PCCB: variants seen among roughly 807,000 people sequenced by gnomAD.
PCCB encodes propionyl-CoA carboxylase subunit beta.
In PCCB, 43 loss-of-function variants were observed where a neutral mutation model predicts 60.7. The observed-to-expected ratio is 0.71, with a 90% CI of 0.55 to 0.91. PCCB has a LOEUF of 0.91. Among genes scored for constraint, PCCB ranks in the 40% least tolerant of loss-of-function variants. The pLI, the probability that PCCB is intolerant of heterozygous loss-of-function variation, is 0.00. For synonymous variants in PCCB, 276 were observed against 255.9 expected (o/e 1.08, Z -0.75); for missense variants, 766 against 702.8 (o/e 1.09, Z -1.02).
rs1044507446 is a variant in PCCB, at chr3:136,283,026, A to G, written c.544-811A>G. On this transcript the variant is annotated intron_variant, in intron 5 of 14. Coordinates refer to ENST00000251654, the MANE Select transcript of PCCB (RefSeq NM_000532.5). ...TCTGCCACAGCTGGAAGTCTCCCCTACTACCTTGATATCTTTGCAGAAAGC... is the reference window on the plus strand; with the variant it reads ...TCTGCCACAGCTGGAAGTCTCCCCTGCTACCTTGATATCTTTGCAGAAAGC... Among the ~76,000 whole-genome samples, 4 of 152,314 alleles carry G rather than the reference A, an allele frequency of 2.6e-5. No homozygotes were observed. The East Asian group carries it at 5.8e-4, about 22-fold the overall frequency.
chr3:136,301,433 G>A (rs867888380), intron 9 of PCCB, among the ~76,000 whole-genome samples: 1 of 152,228 alleles, frequency 6.6e-6, no homozygotes, highest in South Asian at 2.1e-4. Flanking sequence ...TGAGGCCAGA[G>A]TGATCATTGT....
intron 9 of PCCB, among the ~76,000 whole-genome samples, chr3:136,305,398 T>A (rs1212283852): frequency 1.6e-5 from 2 of 121,994 alleles, no homozygotes; most frequent in Non-Finnish European, 3.7e-5. Context: ...AGACCATATA[T>A]TTACTTTTAA....
intron 9 of PCCB, among the ~76,000 whole-genome samples, chr3:136,308,779 A>G (rs1934543958): frequency 6.6e-6 from 1 of 152,222 alleles, no homozygotes; most frequent in South Asian, 2.1e-4. Flanking sequence ...AGCAACTAAA[A>G]CAAAAGTAGC....
At chr3:136,257,989 G>C (rs902446622) in intron 3 of PCCB, among the ~76,000 whole-genome samples, 22 of 152,174 alleles carry the variant, frequency 1.4e-4, no homozygotes, top group African/African-American at 5.1e-4. Flanking sequence ...GTCGTAGTTA[G>C]TATGCATTTA....
At chr3:136,309,793 C>T (rs1309480430) in intron 9 of PCCB, among the ~76,000 whole-genome samples, 1 of 150,430 alleles carries the variant, frequency 6.6e-6, no homozygotes, top group Non-Finnish European at 1.5e-5. Context: ...CATAGTGAGA[C>T]CCTGTCTCAA....
At position 136,250,570 on chromosome 3, in the gene PCCB, G is replaced by A. The variant is rs1482503109; in HGVS notation, c.183+12G>A. ...CGCAGCACAAGCGAGTGAGTCCTGA[G>A]GGGCCTAAGTGAGTCCCGCCCCTGG... is the stretch of plus-strand genomic sequence containing the variant. On this transcript the variant is annotated intron_variant, in intron 1 of 14. Transcript: ENST00000251654. 2 of 1,608,698 alleles carry A rather than the reference G, an allele frequency of 1.2e-6. No homozygotes were observed. The highest frequency in any genetic ancestry group is 2.2e-5 in the East Asian group (1 of 44,756).
intron 10 of PCCB, among the ~76,000 whole-genome samples, chr3:136,325,297 T>A (rs562009653): frequency 6.6e-6 from 1 of 152,302 alleles, no homozygotes; most frequent in African/African-American, 2.4e-5. Context: ...TAGCTGGGAC[T>A]ACATTGTCTT....
intron 5 of PCCB, among the ~76,000 whole-genome samples, chr3:136,266,992 C>G (rs1942001346): frequency 6.6e-6 from 1 of 152,144 alleles, no homozygotes. Context: ...AAGTGATTCT[C>G]GTGCCTCAGT....
chr3:136,261,282 C>T (rs374049881), intron 4 of PCCB, among the ~76,000 whole-genome samples: 39 of 152,154 alleles, frequency 2.6e-4, no homozygotes, highest in African/African-American at 9.2e-4. Flanking sequence ...AAAGTTGGAG[C>T]TACTAGTAAC....
At chr3:136,300,312 C>A (rs2108207685) in intron 8 of PCCB, among the ~76,000 whole-genome samples, 1 of 152,306 alleles carries the variant, frequency 6.6e-6, no homozygotes, top group South Asian at 2.1e-4. Flanking sequence ...CAAACCTCAG[C>A]CCAGGAGTAC....
chr3:136,294,478 A>AT (rs201333317), intron 7 of PCCB, among the ~76,000 whole-genome samples: 184 of 144,918 alleles, frequency 1.3e-3, no homozygotes, highest in South Asian at 2.4e-3. Flanking sequence ...CACCCAGCAA[A>AT]TTTTTTTTTT....
intron 9 of PCCB, among the ~76,000 whole-genome samples, chr3:136,312,973 A>G (rs1374551104): frequency 1.3e-5 from 2 of 152,236 alleles, no homozygotes; most frequent in African/African-American, 4.8e-5. Flanking sequence ...TATAAAATGG[A>G]CCTTAAACAT....
Position 136,297,979 on chromosome 3 carries a change from A to T in PCCB, c.791A>T (p.Asp264Val). ...GTGGCCCACAGAGCTTTTGAAAATG[A>T]TGTTGATGCCTTGTGTAATCTCCGG... ...SGVAHRAFEN[D>V]VDALCNLRDF... is the part of the protein sequence containing the mutation. The change falls in exon 8 of 15, where the codon GAT (aspartate) becomes GTT (valine). Residue 264 changes from aspartate to valine, a missense_variant. Asp to Val is a radical substitution (Grantham distance 152). Coordinates refer to ENST00000251654, the MANE Select transcript of PCCB (RefSeq NM_000532.5). 1 of 1,614,134 alleles carries T rather than the reference A, an allele frequency of 6.2e-7. No homozygotes were observed. Among genetic ancestry groups the T allele is most frequent in the South Asian group, 1.1e-5 (1 of 91,090 alleles).
At chr3:136,274,228 G>A (rs540760969) in intron 5 of PCCB, among the ~76,000 whole-genome samples, 1 of 151,494 alleles carries the variant, frequency 6.6e-6, no homozygotes, top group African/African-American at 2.4e-5. Context: ...AGGCCTTGTG[G>A]GTTTTATCTT....
Position 136,298,047 on chromosome 3 carries a change from C to T in PCCB, c.859C>T (p.Pro287Ser), listed in dbSNP as rs2228310. Reference sequence around the variant, plus strand: ...GCCCCTGAGCAGTCAGGACCCGGCTCCCGTCCGTGAGTGCCACGATCCCAG... The same window carrying T: ...GCCCCTGAGCAGTCAGGACCCGGCTTCCGTCCGTGAGTGCCACGATCCCAG... ...YLPLSSQDPA[P>S]VRECHDPSDR... The change falls in exon 8 of 15, where the codon CCC (proline) becomes TCC (serine). Residue 287 changes from proline to serine, a missense_variant. Pro to Ser is a moderately conservative substitution (Grantham distance 74). Coordinates refer to ENST00000251654, the MANE Select transcript of PCCB (RefSeq NM_000532.5). 1 of 1,614,150 alleles carries T rather than the reference C, an allele frequency of 6.2e-7. No homozygotes were observed. The highest frequency in any genetic ancestry group is 8.5e-7 in the Non-Finnish European group (1 of 1,180,000).
At chr3:136,326,211 G>T in intron 10 of PCCB, 1 of 607,558 alleles carries the variant, frequency 1.6e-6, no homozygotes, top group Non-Finnish European at 2.9e-6. Context: ...TCTGATGATG[G>T]TCCTTGTCTT....
chr3:136,328,976 G>T, intron 14 of PCCB, 119 bp downstream of exon 14: 1 of 801,672 alleles, frequency 1.2e-6, no homozygotes. Context: ...GTTGACTAGT[G>T]AGGGTTGGGA....
chr3:136,253,845 C>T (rs932729708), intron 1 of PCCB, among the ~76,000 whole-genome samples: 7 of 151,662 alleles, frequency 4.6e-5, no homozygotes, highest in African/African-American at 1.5e-4. Flanking sequence ...GACAGAGTCT[C>T]GCTTTGTTGC....
intron 9 of PCCB, among the ~76,000 whole-genome samples, chr3:136,316,591 C>T (rs540817796): frequency 4.9e-4 from 75 of 152,322 alleles, no homozygotes; most frequent in Non-Finnish European, 3.2e-4. Context: ...GCTAAGATTA[C>T]AGGAGTGAGC....
Sources: gnomAD v4.1 joint callset for allele counts (sites outside exome capture counted in the v4.1 genomes callset) on GRCh38, gnomAD v4.1.1 for gene constraint, MANE v1.5 for transcripts, NCBI Gene and HGNC (gene_info 2026-07-23, HGNC 2026-07-21) for gene names.